Variants in HS3ST4 observed in about 807,000 individuals in gnomAD.
HS3ST4 encodes the protein heparan sulfate-glucosamine 3-sulfotransferase 4, also known as heparan sulfate glucosamine 3-O-sulfotransferase 4.
HS3ST4 carries 17 observed loss-of-function variants against 29.2 expected under a neutral mutation model. The ratio of observed to expected loss-of-function variants is 0.58; its 90% CI spans 0.40 to 0.87. HS3ST4 has a LOEUF of 0.87. Among genes scored for constraint, HS3ST4 ranks in the 40% least tolerant of loss-of-function variants. The probability of loss-of-function intolerance (pLI) is 0.00; values close to 1 mark genes in which losing one functional copy is unlikely to be tolerated. For missense variants in HS3ST4, 627 were observed against 634.5 expected, an observed-to-expected ratio of 0.99 and a Z score of 0.13; for synonymous variants, 314 against 285.7, an observed-to-expected ratio of 1.10 and a Z score of -1.00.
At chr16:25,910,912 G>A (rs758215740) in intron 1 of HS3ST4, among the ~76,000 whole-genome samples, 54 of 152,132 alleles carry the variant, frequency 3.5e-4, no homozygotes, top group South Asian at 8.3e-4. Context: ...CAGGAGCTTC[G>A]TTTGACTCAC....
intron 1 of HS3ST4, among the ~76,000 whole-genome samples, chr16:26,034,031 A>G (rs767903986): frequency 3.9e-5 from 6 of 152,192 alleles, no homozygotes; most frequent in Non-Finnish European, 8.8e-5. Flanking sequence ...TTCCATGATC[A>G]GGTTTCAGGC....
At chr16:25,914,462 T>C (rs534196679) in intron 1 of HS3ST4, among the ~76,000 whole-genome samples, 10 of 151,654 alleles carry the variant, frequency 6.6e-5, no homozygotes, top group Admixed American at 5.3e-4. Flanking sequence ...GTGTTGTGTG[T>C]TCATGTTAGT....
At chr16:25,745,033 TCTCTTC>T (rs971137079) in intron 1 of HS3ST4, among the ~76,000 whole-genome samples, 5 of 23,404 alleles carry the variant, frequency 2.1e-4, no homozygotes, top group African/African-American at 6.9e-4. Flanking sequence ...AGAAGGCACA[TCTCTTC>T]CTCTTAAGGG....
chr16:25,813,715 A>C (rs1967065027), intron 1 of HS3ST4, among the ~76,000 whole-genome samples: 1 of 152,214 alleles, frequency 6.6e-6, no homozygotes, highest in Non-Finnish European at 1.5e-5. Flanking sequence ...AATGACCCAG[A>C]AATTCCACTC....
chr16:25,902,918 T>C (rs760498622), intron 1 of HS3ST4, among the ~76,000 whole-genome samples: 4 of 151,116 alleles, frequency 2.6e-5, no homozygotes, highest in Non-Finnish European at 5.9e-5. Context: ...GTCAACATGG[T>C]GAGACCCTGT....
chr16:25,971,294 T>C (rs752459167), intron 1 of HS3ST4, among the ~76,000 whole-genome samples: 2 of 152,166 alleles, frequency 1.3e-5, no homozygotes, highest in Non-Finnish European at 2.9e-5. Context: ...CTTGATAAGG[T>C]GATGTATCTG....
chr16:25,951,558 C>G (rs750839131), intron 1 of HS3ST4, among the ~76,000 whole-genome samples: 21 of 152,158 alleles, frequency 1.4e-4, no homozygotes, highest in Admixed American at 7.2e-4. Context: ...AATGTCCAAC[C>G]TACTTAGCAA....
At chr16:25,888,494 A>G (rs1411945791) in intron 1 of HS3ST4, among the ~76,000 whole-genome samples, 1 of 152,168 alleles carries the variant, frequency 6.6e-6, no homozygotes, top group African/African-American at 2.4e-5. Context: ...TTTAACAAAA[A>G]AAATTACAGT....
intron 1 of HS3ST4, among the ~76,000 whole-genome samples, chr16:25,857,923 T>G (rs12935842): frequency 3.6e-5 from 1 of 27,460 alleles, no homozygotes; most frequent in African/African-American, 1.7e-4. Flanking sequence ...TTCCTTCCTT[T>G]CTTTCTTTCT....
At chr16:25,851,802 A>G (rs1340869565) in intron 1 of HS3ST4, among the ~76,000 whole-genome samples, 1 of 152,154 alleles carries the variant, frequency 6.6e-6, no homozygotes, top group Non-Finnish European at 1.5e-5. Context: ...ACTACTTCCA[A>G]AAGGCATCAT....
At chr16:25,710,808 CT>C (rs34759495) in intron 1 of HS3ST4, among the ~76,000 whole-genome samples, 2,730 of 48,350 alleles carry the variant, frequency 0.056, 44 homozygotes, top group Middle Eastern at 0.12. Context: ...GCATATTATC[CT>C]TTTTTTTTTT....
chr16:26,047,271 T>C (rs1186557060), intron 1 of HS3ST4, among the ~76,000 whole-genome samples: 1 of 152,264 alleles, frequency 6.6e-6, no homozygotes, highest in Non-Finnish European at 1.5e-5. Flanking sequence ...TCAGAAGTTG[T>C]AGCAGAAGTG....
intron 1 of HS3ST4, among the ~76,000 whole-genome samples, chr16:26,051,492 A>C (rs1462901638): frequency 3.3e-5 from 5 of 152,108 alleles, no homozygotes; most frequent in Non-Finnish European, 5.9e-5. Flanking sequence ...TGAGTGGTCA[A>C]TATTATTGTG....
intron 1 of HS3ST4, among the ~76,000 whole-genome samples, chr16:25,741,876 C>G (rs570285194): frequency 5.3e-5 from 8 of 152,308 alleles, no homozygotes; most frequent in African/African-American, 1.9e-4. Flanking sequence ...CACATGTTCT[C>G]TGGCCCTCCA....
At chr16:25,858,426 G>C (rs979026129) in intron 1 of HS3ST4, among the ~76,000 whole-genome samples, 7 of 152,050 alleles carry the variant, frequency 4.6e-5, no homozygotes, top group African/African-American at 1.4e-4. Context: ...ACTTTTCAAA[G>C]GTGTAATTTT....
At chr16:25,776,079 C>A (rs921909476) in intron 1 of HS3ST4, among the ~76,000 whole-genome samples, 2 of 152,162 alleles carry the variant, frequency 1.3e-5, no homozygotes, top group African/African-American at 4.8e-5. Flanking sequence ...GGTTGTCTTG[C>A]AACCTTAGTA....
chr16:25,733,071 G>A (rs918231894), intron 1 of HS3ST4, among the ~76,000 whole-genome samples: 2 of 152,182 alleles, frequency 1.3e-5, no homozygotes, highest in Non-Finnish European at 1.5e-5. Flanking sequence ...TCCATCTAAT[G>A]TAGGGACTTT....
At chr16:25,776,399 A>G (rs911914900) in intron 1 of HS3ST4, among the ~76,000 whole-genome samples, 2 of 152,152 alleles carry the variant, frequency 1.3e-5, no homozygotes, top group African/African-American at 2.4e-5. Flanking sequence ...ACTCAAAAGA[A>G]TGCAACCATT....
intron 1 of HS3ST4, among the ~76,000 whole-genome samples, chr16:25,937,426 A>G (rs557855756): frequency 3.3e-5 from 5 of 152,258 alleles, no homozygotes; most frequent in African/African-American, 1.2e-4. Context: ...TCTCATTTCT[A>G]AATAAAGGGA....
Sources: gnomAD v4.1 joint callset for allele counts (sites outside exome capture counted in the v4.1 genomes callset) on GRCh38, gnomAD v4.1.1 for gene constraint, MANE v1.5 for transcripts, NCBI Gene and HGNC (gene_info 2026-07-23, HGNC 2026-07-21) for gene names.